HEATR4: variants seen among roughly 807,000 people sequenced by gnomAD.
The protein encoded by HEATR4 is HEAT repeat containing 4.
A neutral mutation model predicts 108.8 loss-of-function variants in HEATR4; 95 were observed. That is an observed-to-expected ratio of 0.87 (90% CI 0.74 to 1.04). The LOEUF is 1.04. HEATR4 is among the 50% of genes least tolerant of loss of function. HEATR4 has a pLI of 0.00. For missense variants in HEATR4, 1,152 were observed against 1,253.8 expected, an observed-to-expected ratio of 0.92 and a Z score of 1.23; for synonymous variants, 443 against 459.4, an observed-to-expected ratio of 0.96 and a Z score of 0.46.
the HEATR4 span, among the ~76,000 whole-genome samples, chr14:73,590,274 A>T: frequency 1.3e-5 from 2 of 152,160 alleles, no homozygotes; most frequent in African/African-American, 4.8e-5. Context: ...TCCCCACTAG[A>T]TTAGCTAGAT....
the HEATR4 span, among the ~76,000 whole-genome samples, chr14:73,610,178 C>T: frequency 6.6e-6 from 1 of 152,044 alleles, no homozygotes; most frequent in African/African-American, 2.4e-5. Flanking sequence ...TAGGCCACAG[C>T]TCCAAGCAAG....
rs1277788082 is a variant in HEATR4 at position 73,514,183 on chromosome 14, G to A, written c.1262C>T (p.Ala421Val). 4.3e-6 allele frequency: 7 copies of A among 1,614,052 alleles called. No homozygotes were observed. Among genetic ancestry groups the A allele is most frequent in the Non-Finnish European group, 5.9e-6 (7 of 1,180,040 alleles). The change falls in exon 6 of 18, where the codon GCC (alanine) becomes GTC (valine). Residue 421 changes from alanine to valine, a missense_variant. Ala to Val is a moderately conservative substitution (Grantham distance 64). Transcript: ENST00000553558. ...ACCCACCTGCAGCAGCATATCCTTG[G>A]CGGGGGTGGGCAAAGCAGTCCAGCG... ...ALRWTALPTP[A>V]KDMLLQVGEK... is the part of the protein sequence containing the mutation.
the HEATR4 span, among the ~76,000 whole-genome samples, chr14:73,632,186 G>T: frequency 1.3e-5 from 2 of 151,860 alleles, no homozygotes; most frequent in East Asian, 3.9e-4. Context: ...TGTTGCCCAG[G>T]GTGGTCTTGA....
intron 6 of HEATR4, among the ~76,000 whole-genome samples, chr14:73,513,792 A>G (rs537547547): frequency 1.3e-5 from 2 of 151,678 alleles, no homozygotes; most frequent in Admixed American, 6.6e-5. Flanking sequence ...CAGTGTAATA[A>G]TGAGTTTCCA....
the HEATR4 span, among the ~76,000 whole-genome samples, chr14:73,588,111 C>G: frequency 6.6e-6 from 1 of 152,012 alleles, no homozygotes; most frequent in Non-Finnish European, 1.5e-5. Context: ...AAGCGATTCT[C>G]CTGCCTCAGC....
the HEATR4 span, chr14:73,573,275 T>TA: frequency 9.6e-6 from 14 of 1,464,624 alleles, no homozygotes; most frequent in Non-Finnish European, 1.3e-5. Flanking sequence ...CGTGGGTAGA[T>TA]ACCTAGGAGT....
At chr14:73,572,180 T>A in the HEATR4 span, among the ~76,000 whole-genome samples, 28 of 30,988 alleles carry the variant, frequency 9.0e-4, 12 homozygotes, top group African/African-American at 0.012. Context: ...AGAGGCCAGA[T>A]GAGCAGTCTG....
chr14:73,519,562 T>G (rs1430312359), intron 4 of HEATR4, among the ~76,000 whole-genome samples: 1 of 151,670 alleles, frequency 6.6e-6, no homozygotes, highest in African/African-American at 2.4e-5. Flanking sequence ...TGGGCAACAC[T>G]GTAAGACCCC....
the HEATR4 span, chr14:73,582,999 ACTG>A: frequency 0.067 from 10,238 of 152,080 alleles, 832 homozygotes; most frequent in African/African-American, 0.19. Flanking sequence ...CACCAATGAA[ACTG>A]CTGATTCCAG....
the HEATR4 span, chr14:73,595,637 G>A: frequency 1.3e-6 from 2 of 1,522,804 alleles, no homozygotes; most frequent in Non-Finnish European, 1.8e-6. Flanking sequence ...CCAGAAAACA[G>A]CTGTCCCTAA....
chr14:73,628,332 T>C, the HEATR4 span, among the ~76,000 whole-genome samples: 2 of 152,170 alleles, frequency 1.3e-5, no homozygotes, highest in Non-Finnish European at 2.9e-5. Context: ...TTGATAGAGA[T>C]GGGATCTTGC....
At chr14:73,612,962 C>A in the HEATR4 span, 1 of 1,219,014 alleles carries the variant, frequency 8.2e-7, no homozygotes, top group Admixed American at 3.4e-5. Flanking sequence ...CGACTTTCTC[C>A]GGCCGGGGGT....
At chr14:73,485,260 T>C (rs771008842) in intron 17 of HEATR4, among the ~76,000 whole-genome samples, 1 of 152,140 alleles carries the variant, frequency 6.6e-6, no homozygotes, top group Non-Finnish European at 1.5e-5. Flanking sequence ...TATTGTTCTA[T>C]AATTTGATTT....
the HEATR4 span, among the ~76,000 whole-genome samples, chr14:73,578,642 A>ATGAT: frequency 9.5e-3 from 1,445 of 152,102 alleles, 18 homozygotes; most frequent in African/African-American, 0.033. Context: ...ATGCTCCATA[A>ATGAT]TGATTGATTG....
the HEATR4 span, chr14:73,595,615 C>G: frequency 1.9e-6 from 3 of 1,540,892 alleles, no homozygotes; most frequent in Non-Finnish European, 2.6e-6. Context: ...TCTGCAAACA[C>G]CTGGGAGGTA....
the HEATR4 span, among the ~76,000 whole-genome samples, chr14:73,596,965 T>A: frequency 6.6e-6 from 1 of 152,020 alleles, no homozygotes; most frequent in East Asian, 1.9e-4. Flanking sequence ...AAAACTGATG[T>A]CAAAGACATC....
chr14:73,600,405 T>G, the HEATR4 span, among the ~76,000 whole-genome samples: 1 of 152,176 alleles, frequency 6.6e-6, no homozygotes, highest in Non-Finnish European at 1.5e-5. Flanking sequence ...CTCTGCCTTT[T>G]AAGTTCCAGC....
chr14:73,581,790 G>C, the HEATR4 span: 2 of 92,182 alleles, frequency 2.2e-5, no homozygotes, highest in East Asian at 8.0e-4. Context: ...AATACCAAGA[G>C]AGAGTGCTGA....
At position 73,544,150 on chromosome 14, in the gene HEATR4, C is replaced by T. The variant is rs1348124933; in HGVS notation, c.-151-13906G>A. Among the ~76,000 whole-genome samples the T allele has an allele frequency of 4.4e-5, 5 of 113,880 alleles. 1 individual carries two copies. In the South Asian group the frequency reaches 1.1e-3, roughly 26 times the overall value. The allele number at this position is 113,880 out of a possible 152,430, so 74.7% of individuals were successfully genotyped here. Reference sequence around the variant, plus strand: ...TCTACTAAAAATACAAAAAATTAGCCGGGCGTGGTGGCGCATGCCTGTAGT... The same window carrying T: ...TCTACTAAAAATACAAAAAATTAGCTGGGCGTGGTGGCGCATGCCTGTAGT... On this transcript the variant is annotated intron_variant, in intron 1 of 17. Transcript: ENST00000553558.
Sources: allele counts gnomAD v4.1 joint callset (sites outside exome capture counted in the v4.1 genomes callset), GRCh38; gene constraint gnomAD v4.1.1; transcripts MANE v1.5; gene names NCBI Gene and HGNC (gene_info 2026-07-23, HGNC 2026-07-21).